GNL3L: variants seen among roughly 807,000 people sequenced by gnomAD.
The protein encoded by GNL3L is guanine nucleotide-binding protein-like 3-like protein.
In GNL3L, 4 loss-of-function variants were observed where a neutral mutation model predicts 42.9. That is an observed-to-expected ratio of 0.09 (90% CI 0.05 to 0.21). GNL3L has a LOEUF of 0.21. Among genes scored for constraint, GNL3L ranks in the 10% least tolerant of loss-of-function variants. The pLI, the probability that GNL3L is intolerant of heterozygous loss-of-function variation, is 1.00. For synonymous variants in GNL3L, 159 were observed against 176.3 expected (o/e 0.90, Z 0.78); for missense variants, 412 against 481.7 (o/e 0.86, Z 1.36).
chrX:54,569,338 G>A (rs12396374), downstream of GNL3L, among the ~76,000 whole-genome samples: 513 of 111,581 alleles, frequency 4.6e-3, 2 homozygotes, highest in African/African-American at 0.015. Flanking sequence ...TTGTGGGAAG[G>A]TTTAAGACTA....
At chrX:54,601,497 G>A (rs1478846176) in intron 16 of GNL3L, among the ~76,000 whole-genome samples, 1 of 111,694 alleles carries the variant, frequency 9.0e-6, no homozygotes, top group African/African-American at 3.3e-5. Context: ...TTTGTTTTAT[G>A]TATAATATCT....
chrX:54,585,123 C>A (rs1261320697), intron 16 of GNL3L, among the ~76,000 whole-genome samples: 1 of 111,764 alleles, frequency 8.9e-6, no homozygotes, highest in African/African-American at 3.2e-5. Context: ...CTTTTTTCAC[C>A]AATCTTCACC....
At chrX:54,616,504 CT>C (rs1298348358) in intron 16 of GNL3L, among the ~76,000 whole-genome samples, 2 of 112,060 alleles carry the variant, frequency 1.8e-5, no homozygotes, top group African/African-American at 3.2e-5. Context: ...GACAGGAAGT[CT>C]TGTTTAAATA....
At chrX:54,623,714 C>G (rs1248757712), downstream of GNL3L, among the ~76,000 whole-genome samples, 7 of 111,289 alleles carry the variant, frequency 6.3e-5, no homozygotes, top group African/African-American at 1.3e-4. Flanking sequence ...AGTGTACAAG[C>G]CTTTCACATT....
chrX:54,556,201 T>C (rs1466643065), intron 14 of GNL3L, among the ~76,000 whole-genome samples: 1 of 111,177 alleles, frequency 9.0e-6, no homozygotes, highest in Non-Finnish European at 1.9e-5. Context: ...GAAAGAGATT[T>C]AATTGACTCA....
At chrX:54,613,376 C>T (rs1271438635) in intron 16 of GNL3L, among the ~76,000 whole-genome samples, 1 of 111,599 alleles carries the variant, frequency 9.0e-6, no homozygotes, top group Non-Finnish European at 1.9e-5. Flanking sequence ...TGGGTTTCGT[C>T]TTTCTCTGGT....
intron 16 of GNL3L, among the ~76,000 whole-genome samples, chrX:54,608,998 G>A (rs1409765573): frequency 1.8e-5 from 2 of 111,501 alleles, no homozygotes; most frequent in African/African-American, 6.5e-5. Flanking sequence ...CCTGTTCGCT[G>A]CATCCACACC....
chrX:54,636,607 T>C, the GNL3L span, among the ~76,000 whole-genome samples: 18,364 of 110,466 alleles, frequency 0.17, 2,625 homozygotes, highest in African/African-American at 0.48. Context: ...CTCCCACTTA[T>C]AAGTGAGATG....
intron 16 of GNL3L, among the ~76,000 whole-genome samples, chrX:54,601,618 T>A (rs1387511423): frequency 1.8e-5 from 2 of 112,100 alleles, no homozygotes; most frequent in Non-Finnish European, 1.9e-5. Context: ...TAGCTTATTA[T>A]AAATTTTTTG....
At chrX:54,537,199 T>C (rs1010648263) in intron 2 of GNL3L, among the ~76,000 whole-genome samples, 2 of 109,659 alleles carry the variant, frequency 1.8e-5, no homozygotes, top group Non-Finnish European at 3.8e-5. Flanking sequence ...TTAAACTTTT[T>C]TTTTTATATA....
At chrX:54,602,330 T>A (rs1229195646) in intron 16 of GNL3L, among the ~76,000 whole-genome samples, 4 of 111,810 alleles carry the variant, frequency 3.6e-5, no homozygotes, top group African/African-American at 1.3e-4. Context: ...CCATAATGGC[T>A]AATTATGGTG....
chrX:54,547,144 G>A (rs746912931), intron 8 of GNL3L, among the ~76,000 whole-genome samples: 6 of 106,340 alleles, frequency 5.6e-5, no homozygotes, highest in Non-Finnish European at 7.7e-5. Context: ...TTACAGGTGC[G>A]TGCCACCACA....
At chrX:54,624,377 T>G (rs1926327615), downstream of GNL3L, among the ~76,000 whole-genome samples, 2 of 111,212 alleles carry the variant, frequency 1.8e-5, no homozygotes, top group Non-Finnish European at 3.8e-5. Context: ...CTCACAATTC[T>G]TGAGGCTTGA....
chrX:54,631,333 A>G, the GNL3L span, among the ~76,000 whole-genome samples: 1 of 110,749 alleles, frequency 9.0e-6, no homozygotes, highest in African/African-American at 3.3e-5. Flanking sequence ...TCAGTGGAGT[A>G]TCAAAGTCCC....
intron 8 of GNL3L, among the ~76,000 whole-genome samples, chrX:54,547,017 G>A (rs1924794440): frequency 2.2e-5 from 2 of 90,757 alleles, no homozygotes; most frequent in African/African-American, 8.3e-5. Flanking sequence ...TTTTTTTTGA[G>A]ATGACGTCTC....
rs890888786 is a variant in GNL3L at position 54,530,247 on chromosome X, T to C, written c.-220T>C. 2.0e-5 allele frequency: 2 copies of C among 102,234 alleles called. No individual in the cohort carries two copies. The highest frequency in any genetic ancestry group is 7.0e-5 in the African/African-American group (2 of 28,394). The allele number at this position is 102,234 out of a possible 1,213,427, so 8.4% of individuals were successfully genotyped here. On this transcript the variant is annotated 5_prime_UTR_variant, in exon 1 of 16. Coordinates refer to ENST00000360845, the MANE Select transcript of GNL3L (RefSeq NM_001184819.2). ...CGGAGCCTAGCTGCGCGAGAGTTTCTGCTCGCTCAACCGAGTTGTCGTGTT... is the reference window on the plus strand; with the variant it reads ...CGGAGCCTAGCTGCGCGAGAGTTTCCGCTCGCTCAACCGAGTTGTCGTGTT...
rs2147488726 is a variant in GNL3L, at chrX:54,552,177, C to T, written c.1182-115C>T. On this transcript the variant is annotated intron_variant, in intron 12 of 15. Transcript: ENST00000360845. ...TCAACTCCTTCTTGTTCAGAAGCCA[C>T]TGTCTGGGTTTTCTTGTTCCGTTGC... 1.2e-5 allele frequency: 10 copies of T among 859,325 alleles called. No individual in the cohort carries two copies. The East Asian group carries it at 2.8e-4, about 24-fold the overall frequency. 70.8% of individuals were successfully genotyped at this position (859,325 alleles called of 1,213,427 possible). A position where few individuals can be genotyped will look rare whatever the true frequency, so the allele number is the denominator to read the frequency against.
chrX:54,596,991 C>T (rs190003572), intron 16 of GNL3L, among the ~76,000 whole-genome samples: 6 of 111,473 alleles, frequency 5.4e-5, no homozygotes, highest in East Asian at 2.8e-4. Flanking sequence ...CCAAGAGTCA[C>T]GTCCTGGAAT....
chrX:54,630,737 T>TTTCTTTCTTTCTTTCTTTTG, the GNL3L span, among the ~76,000 whole-genome samples: 1 of 80,632 alleles, frequency 1.2e-5, no homozygotes, highest in African/African-American at 8.0e-5. Flanking sequence ...TCTTTCTTTC[T>TTTCTTTCTTTCTTTCTTTTG]TTCTCTTTCT....
Sources: gnomAD v4.1 joint callset for allele counts (sites outside exome capture counted in the v4.1 genomes callset) on GRCh38, gnomAD v4.1.1 for gene constraint, MANE v1.5 for transcripts, NCBI Gene and HGNC (gene_info 2026-07-23, HGNC 2026-07-21) for gene names.